ADGRV1: variants seen among roughly 807,000 people sequenced by gnomAD.
ADGRV1 encodes G-protein coupled receptor 98.
In ADGRV1, 359 loss-of-function variants were observed where a neutral mutation model predicts 596.2. The ratio of observed to expected loss-of-function variants is 0.60; its 90% CI spans 0.55 to 0.66. ADGRV1 has a LOEUF of 0.66. Among genes scored for constraint, ADGRV1 ranks in the 30% least tolerant of loss-of-function variants. The pLI is 0.00. For synonymous variants in ADGRV1, 2,681 were observed against 2,679.2 expected, an observed-to-expected ratio of 1.00 and a Z score of -0.02; for missense variants, 7,274 against 7,575.6, an observed-to-expected ratio of 0.96 and a Z score of 1.48.
intron 85 of ADGRV1, among the ~76,000 whole-genome samples, chr5:91,034,313 A>C (rs554338953): frequency 2.6e-4 from 39 of 152,332 alleles, no homozygotes; most frequent in Non-Finnish European, 3.8e-4. Context: ...GTTAAAGTCT[A>C]CATAACACAG....
rs56329646 is a variant in ADGRV1 at position 90,716,495 on chromosome 5, C to T, written c.9213C>T (p.Asp3071=). 3.0e-3 allele frequency: 4,762 copies of T among 1,592,634 alleles called. 18 individuals carry two copies. The highest frequency in any genetic ancestry group is 0.019 in the Middle Eastern group (113 of 5,970). Residue 3071 remains aspartate (D), a synonymous_variant, in exon 43 of 90, where the codon GAC becomes GAT. Transcript: ENST00000405460. The stretch of plus-strand genomic sequence containing the variant: ...TAATTATTGTCCTTGCTAATGATGA[C>T]GGCCCTGGAGTTCTATCATTTAACA... ...IALIIVLAND[D]GPGVLSFNNS...
intron 20 of ADGRV1, 29 bp from the exon 21 acceptor site, chr5:90,657,876 G>A (rs761757159): frequency 6.4e-7 from 1 of 1,574,390 alleles, no homozygotes; most frequent in Non-Finnish European, 8.6e-7. Context: ...TGAAGGTATT[G>A]TAGCATTTAA....
intron 85 of ADGRV1, among the ~76,000 whole-genome samples, chr5:91,059,562 A>G (rs1030220453): frequency 1.3e-5 from 2 of 152,194 alleles, no homozygotes; most frequent in Non-Finnish European, 2.9e-5. Flanking sequence ...AGTTTAGGGC[A>G]GTTCAAATTG....
intron 36 of ADGRV1, 78 bp from the exon 37 acceptor site, chr5:90,705,322 T>C (rs951683196): frequency 1.7e-6 from 2 of 1,204,754 alleles, no homozygotes; most frequent in African/African-American, 3.0e-5. Flanking sequence ...ACCTTAATGT[T>C]TCAGAGAGTG....
chr5:91,130,870 G>A (rs1185513930), intron 87 of ADGRV1, among the ~76,000 whole-genome samples: 3 of 152,202 alleles, frequency 2.0e-5, no homozygotes, highest in Non-Finnish European at 4.4e-5. Context: ...GAGGACATGC[G>A]GTATTTGATT....
intron 74 of ADGRV1, among the ~76,000 whole-genome samples, chr5:90,812,976 A>G (rs1275037520): frequency 6.6e-6 from 1 of 151,338 alleles, no homozygotes; most frequent in Non-Finnish European, 1.5e-5. Flanking sequence ...CTAAAAAAAT[A>G]CAAAAAATTT....
At chr5:90,841,545 A>G (rs758810882) in intron 78 of ADGRV1, among the ~76,000 whole-genome samples, 35 of 152,146 alleles carry the variant, frequency 2.3e-4, no homozygotes, top group Non-Finnish European at 4.4e-4. Flanking sequence ...TTTTAAACCT[A>G]TTTACTTACA....
chr5:90,642,330 T>C (rs11738646), intron 11 of ADGRV1, among the ~76,000 whole-genome samples: 1,599 of 152,332 alleles, frequency 0.01, 15 homozygotes, highest in Non-Finnish European at 0.017. Flanking sequence ...TTTGATGCTT[T>C]ATATAAATAA....
intron 1 of ADGRV1, among the ~76,000 whole-genome samples, chr5:90,612,173 A>G (rs1025941311): frequency 1.3e-5 from 2 of 152,090 alleles, no homozygotes; most frequent in Admixed American, 6.6e-5. Context: ...GGAAACTGTA[A>G]GAATGCAGCA....
chr5:90,897,486 A>G (rs749428895), intron 83 of ADGRV1, among the ~76,000 whole-genome samples: 14 of 152,188 alleles, frequency 9.2e-5, no homozygotes, highest in African/African-American at 1.7e-4. Flanking sequence ...AATTTATTAT[A>G]TAAGGGGTCC....
rs1764922058 is a variant in ADGRV1 at position 90,627,505 on chromosome 5, A to G, written c.967A>G (p.Ile323Val). 6.2e-7 allele frequency: 1 copy of G among 1,613,994 alleles called. No individual in the cohort carries two copies. The highest frequency in any genetic ancestry group is 8.5e-7 in the Non-Finnish European group (1 of 1,179,864). The change falls in exon 7 of 90, where the codon ATT (isoleucine) becomes GTT (valine). Residue 323 changes from isoleucine to valine, a missense_variant. By Grantham distance (29) the Ile-to-Val change is conservative. Coordinates refer to ENST00000405460, the MANE Select transcript of ADGRV1 (RefSeq NM_032119.4). ...TAHAQQNLDF[I>V]DLQPNTTVVF... ...ACATGCCCAGCAAAATCTGGACTTC[A>G]TTGATCTTCAGCCAAACACAACTGT...
intron 83 of ADGRV1, among the ~76,000 whole-genome samples, chr5:90,874,799 A>G (rs1212752219): frequency 1.3e-5 from 2 of 151,458 alleles, no homozygotes; most frequent in African/African-American, 2.4e-5. Context: ...CGGAGCTTGC[A>G]GTGAGTGGAG....
chr5:90,605,600 A>C (rs752989572), intron 1 of ADGRV1, among the ~76,000 whole-genome samples: 1 of 152,166 alleles, frequency 6.6e-6, no homozygotes, highest in Non-Finnish European at 1.5e-5. Context: ...TTGTGATATC[A>C]TGGTTACTTT....
In ADGRV1 at chr5:91,108,989, C is replaced by G. The variant is rs76261643; in HGVS notation, c.18432+6649C>G. Among the ~76,000 whole-genome samples the G allele has an allele frequency of 4.3e-3, 657 of 152,260 alleles. 4 individuals are homozygous for G. The highest frequency in any genetic ancestry group is 0.015 in the African/African-American group (617 of 41,564). On this transcript the variant is annotated intron_variant, in intron 87 of 89. Transcript: ENST00000405460. ...TAAAATATTTACCTAAAATTTATCACTTCCTAAAATTTCAAAGGTGAACTA... is the reference window on the plus strand; with the variant it reads ...TAAAATATTTACCTAAAATTTATCAGTTCCTAAAATTTCAAAGGTGAACTA...
chr5:90,698,869 T>C (rs1747541473), intron 34 of ADGRV1, among the ~76,000 whole-genome samples: 1 of 152,042 alleles, frequency 6.6e-6, no homozygotes, highest in Admixed American at 6.6e-5. Flanking sequence ...TTACACTGAT[T>C]ACTCCGTAAT....
intron 25 of ADGRV1, 73 bp from the exon 26 acceptor site, chr5:90,679,476 T>C: frequency 9.6e-7 from 1 of 1,043,762 alleles, no homozygotes; most frequent in Non-Finnish European, 1.5e-6. Context: ...CTTGATATGT[T>C]TTAAGACCTC....
chr5:90,582,278 T>A (rs1302429769), intron 1 of ADGRV1, among the ~76,000 whole-genome samples: 1 of 152,200 alleles, frequency 6.6e-6, no homozygotes, highest in Non-Finnish European at 1.5e-5. Flanking sequence ...TGTCTAACAC[T>A]GTCAGTGGAA....
chr5:90,773,229 G>T (rs1757880556), intron 59 of ADGRV1, among the ~76,000 whole-genome samples: 1 of 151,850 alleles, frequency 6.6e-6, no homozygotes, highest in Non-Finnish European at 1.5e-5. Flanking sequence ...TCAACAGTGT[G>T]CATTGAAGGA....
chr5:90,616,755 C>T (rs1416392129), intron 2 of ADGRV1, among the ~76,000 whole-genome samples: 1 of 152,118 alleles, frequency 6.6e-6, no homozygotes, highest in Non-Finnish European at 1.5e-5. Flanking sequence ...GTGTTGGAAG[C>T]ATTATAATTC....
Sources: gnomAD v4.1 joint callset for allele counts (sites outside exome capture counted in the v4.1 genomes callset) on GRCh38, gnomAD v4.1.1 for gene constraint, MANE v1.5 for transcripts, NCBI Gene and HGNC (gene_info 2026-07-23, HGNC 2026-07-21) for gene names.